IGSF9B: variants seen among roughly 807,000 people sequenced by gnomAD.
The protein encoded by IGSF9B is protein turtle homolog B.
Under a neutral mutation model 143.7 loss-of-function variants are expected in IGSF9B, and 48 were observed. That is an observed-to-expected ratio of 0.33 (90% CI 0.26 to 0.42). The LOEUF is 0.42. Ranked by LOEUF, IGSF9B falls within the 20% of genes least tolerant of loss-of-function variation. IGSF9B has a pLI of 1.00. For missense variants in IGSF9B, 1,706 were observed against 1,980.0 expected (o/e 0.86, Z 2.63); for synonymous variants, 903 against 833.1 (o/e 1.08, Z -1.44).
chr11:133,950,971 C>T (rs1940147536), intron 1 of IGSF9B, among the ~76,000 whole-genome samples: 1 of 152,132 alleles, frequency 6.6e-6, no homozygotes, highest in African/African-American at 2.4e-5. Flanking sequence ...CATCTGCCAG[C>T]CTAAAAATAA....
intron 3 of IGSF9B, among the ~76,000 whole-genome samples, chr11:133,943,090 A>C (rs1591723591): frequency 6.6e-6 from 1 of 152,244 alleles, no homozygotes; most frequent in Admixed American, 6.5e-5. Flanking sequence ...GCAGATAAAA[A>C]CTGAGAGAAG....
rs79872363 is a variant in IGSF9B at position 133,937,542 on chromosome 11, G to A, written c.562-49C>T. 64 of 1,424,000 alleles carry A rather than the reference G, an allele frequency of 4.5e-5. No individual in the cohort carries two copies. The East Asian group carries it at 1.2e-3, about 27-fold the overall frequency. 88.2% of individuals were successfully genotyped at this position (1,424,000 alleles called of 1,614,324 possible). ...CTCAGCACCCACGCTCACACCCACC[G>A]CTGCTACCCTCAAACACGGAGATGC... is the stretch of plus-strand genomic sequence containing the variant. On this transcript the variant is annotated intron_variant, in intron 4 of 19. Transcript: ENST00000533871.
In IGSF9B at chr11:133,948,122, G is replaced by A. The variant is rs907396952; in HGVS notation, c.65-1864C>T. Reference sequence around the variant, plus strand: ...GTGTTTCGGTTGGCTCATGCAAGGGGAGGGGTTCTGCCTGCTTCTCTGTAT... The same window carrying A: ...GTGTTTCGGTTGGCTCATGCAAGGGAAGGGGTTCTGCCTGCTTCTCTGTAT... On this transcript the variant is annotated intron_variant, in intron 1 of 19. Transcript: ENST00000533871. The surrounding 1 kb of genome is among the most constrained non-coding windows in gnomAD (Gnocchi z 4.7). Among the ~76,000 whole-genome samples the A allele has an allele frequency of 1.3e-5, 2 of 151,170 alleles. No individual in the cohort carries two copies. The highest frequency in any genetic ancestry group is 2.4e-5 in the African/African-American group (1 of 40,886).
Position 133,906,239 on chromosome 11 carries a change from A to C in IGSF9B, c.*2830T>G, listed in dbSNP as rs1343919671. On this transcript the variant is annotated 3_prime_UTR_variant, in exon 20 of 20. Transcript: ENST00000533871. ...CCCCATCACCCACATGCTCACAACC[A>C]CGCTGTCACACATGCCCACACCCAG... Among the ~76,000 whole-genome samples, 3 of 152,124 alleles carry C rather than the reference A, an allele frequency of 2.0e-5. No homozygotes were observed. Among genetic ancestry groups the C allele is most frequent in the Non-Finnish European group, 4.4e-5 (3 of 68,018 alleles).
At chr11:133,916,126 G>C (rs976864554) in intron 18 of IGSF9B, among the ~76,000 whole-genome samples, 1 of 152,194 alleles carries the variant, frequency 6.6e-6, no homozygotes, top group African/African-American at 2.4e-5. Context: ...ATGGGAAAGG[G>C]AGTGGAAGCA....
intron 18 of IGSF9B, among the ~76,000 whole-genome samples, chr11:133,915,612 T>C (rs1157567818): frequency 2.0e-5 from 3 of 152,118 alleles, no homozygotes; most frequent in Non-Finnish European, 4.4e-5. Flanking sequence ...GGAGGTCTTA[T>C]TTGCTTAGCT....
At chr11:133,919,131 G>GGT in intron 18 of IGSF9B, 1 of 380,798 alleles carries the variant, frequency 2.6e-6, no homozygotes. Context: ...GGGGGGGGTG[G>GGT]GGGACGTGTC....
rs927558572 is a variant in IGSF9B at position 133,935,606 on chromosome 11, C to G, written c.967+11G>C. ...GCCCCACCACCCAGGCTCCCCTGCACCCCTACTCACACTGCACGGTCAGGT... is the reference window on the plus strand; with the variant it reads ...GCCCCACCACCCAGGCTCCCCTGCAGCCCTACTCACACTGCACGGTCAGGT... On this transcript the variant is annotated intron_variant, in intron 7 of 19. Coordinates refer to ENST00000533871, the MANE Select transcript of IGSF9B (RefSeq NM_001277285.4). 6.2e-7 allele frequency: 1 copy of G among 1,607,434 alleles called. No homozygotes were observed. Among genetic ancestry groups the G allele is most frequent in the Non-Finnish European group, 8.5e-7 (1 of 1,177,488 alleles).
intron 18 of IGSF9B, among the ~76,000 whole-genome samples, chr11:133,914,091 A>T (rs1049556275): frequency 3.9e-5 from 6 of 152,228 alleles, no homozygotes; most frequent in Non-Finnish European, 8.8e-5. Flanking sequence ...TAGAATCAAC[A>T]TCTTATCACT....
In IGSF9B at chr11:133,898,032, G is replaced by A. The variant is rs1164000207; in HGVS notation, c.*11037C>T. The A allele has an allele frequency of 6.6e-6, 1 of 152,126 alleles. No individual in the cohort carries two copies. The highest frequency in any genetic ancestry group is 1.5e-5 in the Non-Finnish European group (1 of 68,038). The allele number at this position is 152,126 out of a possible 1,614,324, so 9.4% of individuals were successfully genotyped here. A position where few individuals can be genotyped will look rare whatever the true frequency, so the allele number is the denominator to read the frequency against. On this transcript the variant is annotated 3_prime_UTR_variant, in exon 20 of 20. Coordinates refer to ENST00000533871, the MANE Select transcript of IGSF9B (RefSeq NM_001277285.4). The stretch of plus-strand genomic sequence containing the variant: ...GACAAAATACAGCAAGATATCAGGA[G>A]CCAGTGGGAGGAAGGAGATTCAGCC...
At position 133,917,020 on chromosome 11, in the gene IGSF9B, C is replaced by T. The variant is rs543013923; in HGVS notation, c.3983+2722G>A. 2.0e-5 allele frequency among the ~76,000 whole-genome samples: 3 copies of T among 152,306 alleles called. No individual in the cohort carries two copies. In the East Asian group the frequency reaches 5.8e-4, roughly 29 times the overall value. ...TACAGATGGTAAAGAAATGTCAGGG[C>T]AGTCCTCTTTATGGAGGCCACTCTT... On this transcript the variant is annotated intron_variant, in intron 18 of 19. Transcript: ENST00000533871.
intron 3 of IGSF9B, among the ~76,000 whole-genome samples, chr11:133,943,277 G>A (rs555782905): frequency 6.6e-6 from 1 of 152,286 alleles, no homozygotes; most frequent in South Asian, 2.1e-4. Flanking sequence ...GAATAACGAA[G>A]GACACATTGT....
In IGSF9B at chr11:133,946,186, T is replaced by A. The variant is rs377626852; in HGVS notation, c.137A>T (p.Asp46Val). 1.2e-6 allele frequency: 2 copies of A among 1,613,506 alleles called. No individual in the cohort carries two copies. The highest frequency in any genetic ancestry group is 1.7e-6 in the Non-Finnish European group (2 of 1,179,796). ...RAGESVVLRC[D>V]VIHPVTGQPP... ...CTGTCCCGTCACTGGGTGGATCACG[T>A]CGCATCGCAGGACCACGCTCTCCCC... Residue 46 changes from aspartate (D) to valine (V), a missense_variant, in exon 2 of 20, where the codon GAC becomes GTC. This residue lies in a region of IGSF9B where 171 missense variants were observed against 213.9 expected (regional missense o/e 0.80). Coordinates refer to ENST00000533871, the MANE Select transcript of IGSF9B (RefSeq NM_001277285.4).
At chr11:133,938,125 G>T in intron 3 of IGSF9B, 164 bp from the exon 4 acceptor site, 2 of 727,224 alleles carry the variant, frequency 2.8e-6, no homozygotes, top group Non-Finnish European at 4.5e-6. Context: ...CAACATCACT[G>T]GCAGGGAGAC....
chr11:133,919,387 G>A (rs1282362985), intron 18 of IGSF9B, among the ~76,000 whole-genome samples: 23 of 152,174 alleles, frequency 1.5e-4, no homozygotes, highest in Admixed American at 1.5e-3. Context: ...CCGATGCCAG[G>A]ACCGCAGGGA....
At chr11:133,934,561 G>A (rs950459354) in intron 7 of IGSF9B, among the ~76,000 whole-genome samples, 3 of 152,218 alleles carry the variant, frequency 2.0e-5, no homozygotes, top group Admixed American at 1.3e-4. Context: ...AGTGGCTGAC[G>A]GCAGACGCAG....
At chr11:133,927,446 G>T (rs969163247) in intron 12 of IGSF9B, among the ~76,000 whole-genome samples, 1 of 152,228 alleles carries the variant, frequency 6.6e-6, no homozygotes, top group African/African-American at 2.4e-5. Context: ...AGGCTCTGGG[G>T]TATGGGGATA....
intron 1 of IGSF9B, among the ~76,000 whole-genome samples, chr11:133,955,827 C>T (rs1940240254): frequency 6.6e-6 from 1 of 152,266 alleles, no homozygotes; most frequent in Non-Finnish European, 1.5e-5. Flanking sequence ...CAGCTCAGAC[C>T]CAGGAAAGCG....
intron 7 of IGSF9B, among the ~76,000 whole-genome samples, chr11:133,933,567 G>A (rs775652098): frequency 2.0e-5 from 3 of 152,166 alleles, no homozygotes; most frequent in Admixed American, 6.5e-5. Context: ...GCAATTTAGC[G>A]AGACTCCAAC....
Sources: gnomAD v4.1 joint callset for allele counts (sites outside exome capture counted in the v4.1 genomes callset) on GRCh38, gnomAD v4.1.1 for gene constraint, gnomAD v4.1.1 regional missense constraint, Gnocchi (gnomAD v3.1) non-coding constraint, MANE v1.5 for transcripts, NCBI Gene and HGNC (gene_info 2026-07-23, HGNC 2026-07-21) for gene names.